DPP6: variants seen among roughly 807,000 people sequenced by gnomAD.
DPP6 encodes dipeptidyl peptidase like 6.
In DPP6, 69 loss-of-function variants were observed where a neutral mutation model predicts 122.6. The ratio of observed to expected loss-of-function variants is 0.56; its 90% CI spans 0.46 to 0.69. The LOEUF (loss-of-function observed/expected upper bound fraction) is 0.69, where lower values mean the gene tolerates loss of function less well. Among genes scored for constraint, DPP6 ranks in the 30% least tolerant of loss-of-function variants. The probability of loss-of-function intolerance (pLI) is 0.00; values close to 1 mark genes in which losing one functional copy is unlikely to be tolerated. For synonymous variants in DPP6, 418 were observed against 433.1 expected, an observed-to-expected ratio of 0.97 and a Z score of 0.43; for missense variants, 928 against 1,116.9, an observed-to-expected ratio of 0.83 and a Z score of 2.41.
chr7:154,636,795 T>C (rs1389301097), intron 5 of DPP6, among the ~76,000 whole-genome samples: 2 of 152,236 alleles, frequency 1.3e-5, no homozygotes, highest in African/African-American at 2.4e-5. Context: ...ATTTCCATCA[T>C]TGGTCCTCCA....
chr7:154,807,014 TCAA>T lies in DPP6; in HGVS notation c.1571_1573del (p.Asn524del). 1 of 1,613,880 alleles carries T rather than the reference TCAA, an allele frequency of 6.2e-7. No homozygotes were observed. Among genetic ancestry groups the T allele is most frequent in the Non-Finnish European group, 8.5e-7 (1 of 1,179,834 alleles). On this transcript the variant is annotated inframe_deletion, in exon 16 of 26. Coordinates refer to ENST00000377770, the MANE Select transcript of DPP6 (RefSeq NM_130797.4). ...TCCAGTGCCAACACGGTGGGCAACT[TCAA>T]CAGGCAGTGCCTCTCCTGTGACCTG...
the DPP6 span, among the ~76,000 whole-genome samples, chr7:153,750,006 G>A: frequency 6.6e-6 from 1 of 152,048 alleles, no homozygotes; most frequent in Admixed American, 6.6e-5. Flanking sequence ...GCTCTTATTG[G>A]AAAAATATTC....
chr7:154,853,844 T>G lies in DPP6; in HGVS notation c.1714+17T>G. 6.2e-7 allele frequency: 1 copy of G among 1,613,454 alleles called. No homozygotes were observed. The highest frequency in any genetic ancestry group is 2.2e-5 in the East Asian group (1 of 44,894). ...ATAAGAAAAGTAAGTGCTCTTTTTT[T>G]TCCTTAAATCTTCCTGAGACTCAGG... On this transcript the variant is annotated intron_variant, in intron 17 of 25. Transcript: ENST00000377770.
At chr7:153,820,030 A>G in the DPP6 span, among the ~76,000 whole-genome samples, 2 of 152,200 alleles carry the variant, frequency 1.3e-5, no homozygotes, top group Non-Finnish European at 2.9e-5. Flanking sequence ...TTGTGGCTAT[A>G]ATCACGTTAC....
At chr7:154,473,592 A>G (rs1377906394) in intron 2 of DPP6, among the ~76,000 whole-genome samples, 1 of 152,232 alleles carries the variant, frequency 6.6e-6, no homozygotes, top group Admixed American at 6.5e-5. Flanking sequence ...CATGCAATGC[A>G]CTGGGGTCCT....
Position 154,079,043 on chromosome 7 carries a change from G to C in DPP6, c.243+25980G>C, listed in dbSNP as rs559290782. Among the ~76,000 whole-genome samples the C allele has an allele frequency of 1.3e-3, 190 of 151,596 alleles. 2 individuals carry two copies. Among genetic ancestry groups the C allele is most frequent in the African/African-American group, 4.5e-3 (184 of 41,258 alleles). ...GGAGGCCGAGGTGGGTGTATCACGC[G>C]GTCAGGAGATGGAGACCATCCTGGC... On this transcript the variant is annotated intron_variant, in intron 1 of 25. Transcript: ENST00000377770.
At chr7:154,292,559 TA>T (rs1805278855) in intron 1 of DPP6, among the ~76,000 whole-genome samples, 1 of 152,208 alleles carries the variant, frequency 6.6e-6, no homozygotes, top group African/African-American at 2.4e-5. Context: ...TACAAATAAA[TA>T]TGTCGAAAAT....
intron 6 of DPP6, among the ~76,000 whole-genome samples, chr7:154,655,625 C>T (rs569954150): frequency 6.6e-6 from 1 of 152,228 alleles, no homozygotes; most frequent in Non-Finnish European, 1.5e-5. Flanking sequence ...ACACACACAC[C>T]TCTAAGAATT....
At chr7:154,868,489 G>A (rs922906024) in intron 18 of DPP6, among the ~76,000 whole-genome samples, 7 of 152,156 alleles carry the variant, frequency 4.6e-5, no homozygotes, top group African/African-American at 7.2e-5. Context: ...GATGAGGGGC[G>A]TCCTTGCAGC....
chr7:154,370,963 A>C (rs1186865758), intron 1 of DPP6, among the ~76,000 whole-genome samples: 1 of 152,182 alleles, frequency 6.6e-6, no homozygotes, highest in Non-Finnish European at 1.5e-5. Context: ...AGCTCACCTG[A>C]GCATTCTGAG....
At chr7:153,749,788 G>T in the DPP6 span, among the ~76,000 whole-genome samples, 2 of 152,114 alleles carry the variant, frequency 1.3e-5, no homozygotes, top group Admixed American at 1.3e-4. This position sits in a 1 kb window ranked among gnomAD's most constrained non-coding sequence, Gnocchi z 4.1. Context: ...CCTTACCCGG[G>T]TTACATAGGG....
At chr7:153,811,243 C>T in the DPP6 span, among the ~76,000 whole-genome samples, 52 of 152,320 alleles carry the variant, frequency 3.4e-4, no homozygotes, top group South Asian at 7.5e-3. Flanking sequence ...CCTCTCCATT[C>T]CAGAATGACA....
intron 1 of DPP6, among the ~76,000 whole-genome samples, chr7:154,044,435 G>A (rs1585221275): frequency 6.6e-6 from 1 of 152,208 alleles, no homozygotes; most frequent in East Asian, 1.9e-4. Context: ...ATGAATCAGG[G>A]TTTTGCACTG....
chr7:154,052,667 C>CTG lies in DPP6; in HGVS notation c.-154_-153insTG. On this transcript the variant is annotated 5_prime_UTR_variant, in exon 1 of 26. Coordinates refer to ENST00000377770, the MANE Select transcript of DPP6 (RefSeq NM_130797.4). This position sits in a 1 kb window ranked among gnomAD's most constrained non-coding sequence, Gnocchi z 4.8. ...CGCGAGTGGCGCGCGGGAGGAGCGG[C>CTG]CGCCGGCGCTGGGCTTGCCTTGCTG... 1 of 1,259,732 alleles carries CTG rather than the reference C, an allele frequency of 7.9e-7. No homozygotes were observed. Among genetic ancestry groups the CTG allele is most frequent in the Non-Finnish European group, 1.0e-6 (1 of 991,716 alleles). 78.0% of individuals were successfully genotyped at this position (1,259,732 alleles called of 1,614,324 possible).
chr7:153,842,676 T>C, the DPP6 span, among the ~76,000 whole-genome samples: 3 of 152,316 alleles, frequency 2.0e-5, no homozygotes, highest in Non-Finnish European at 4.4e-5. Context: ...TTAATTTTTT[T>C]CCAAATGATT....
chr7:153,899,158 C>A (rs1470944419), intron 1 of DPP6, among the ~76,000 whole-genome samples: 2 of 151,472 alleles, frequency 1.3e-5, no homozygotes, highest in East Asian at 3.9e-4. Flanking sequence ...CTTATTTATC[C>A]TCCTCCTCTT....
At chr7:154,302,005 G>C (rs1020485995) in intron 1 of DPP6, among the ~76,000 whole-genome samples, 9 of 152,010 alleles carry the variant, frequency 5.9e-5, no homozygotes, top group South Asian at 4.2e-4. Context: ...TTTTAGCAGA[G>C]ACGGGGTTTC....
chr7:154,375,456 G>T (rs1382571510), intron 1 of DPP6, among the ~76,000 whole-genome samples: 1 of 152,178 alleles, frequency 6.6e-6, no homozygotes, highest in Non-Finnish European at 1.5e-5. Context: ...CAGATGAAAT[G>T]TTGTGGAGGT....
At chr7:154,280,180 T>A (rs1433238908) in intron 1 of DPP6, among the ~76,000 whole-genome samples, 1 of 149,064 alleles carries the variant, frequency 6.7e-6, no homozygotes, top group Non-Finnish European at 1.5e-5. Flanking sequence ...ATATTTAATG[T>A]TTTTACTGTT....
Sources: allele counts gnomAD v4.1 joint callset (sites outside exome capture counted in the v4.1 genomes callset), GRCh38; gene constraint gnomAD v4.1.1; non-coding constraint Gnocchi (gnomAD v3.1); transcripts MANE v1.5; gene names NCBI Gene and HGNC (gene_info 2026-07-23, HGNC 2026-07-21).